Variants in NAALADL2 observed in about 807,000 individuals in gnomAD.
NAALADL2 encodes N-acetylated alpha-linked acidic dipeptidase like 2.
In NAALADL2, 76 loss-of-function variants were observed where a neutral mutation model predicts 87.2. The ratio of observed to expected loss-of-function variants is 0.87; its 90% CI spans 0.72 to 1.05. NAALADL2 has a LOEUF of 1.05. Ranked by LOEUF, NAALADL2 falls within the 50% of genes least tolerant of loss-of-function variation. The probability of loss-of-function intolerance (pLI) is 0.00; values close to 1 mark genes in which losing one functional copy is unlikely to be tolerated. For missense variants in NAALADL2, 1,089 were observed against 945.8 expected (o/e 1.15, Z -1.99); for synonymous variants, 354 against 331.0 (o/e 1.07, Z -0.75).
chr3:175,263,804 C>T (rs1371702673), intron 4 of NAALADL2, among the ~76,000 whole-genome samples: 2 of 151,450 alleles, frequency 1.3e-5, no homozygotes, highest in African/African-American at 2.4e-5. Context: ...CTATACAGTT[C>T]GCCCCCTAAA....
intron 2 of NAALADL2, among the ~76,000 whole-genome samples, chr3:174,712,424 G>T (rs1398379205): frequency 9.6e-6 from 1 of 104,156 alleles, no homozygotes; most frequent in Non-Finnish European, 1.7e-5. Flanking sequence ...GTCTTGCTCT[G>T]TCACCCAGGC....
At chr3:175,371,224 A>T (rs912833628) in intron 5 of NAALADL2, among the ~76,000 whole-genome samples, 14 of 152,218 alleles carry the variant, frequency 9.2e-5, no homozygotes, top group African/African-American at 3.4e-4. Context: ...TGCTGGATTT[A>T]GAATTATGAA....
At chr3:174,623,602 AT>A (rs1157950597) in intron 2 of NAALADL2, among the ~76,000 whole-genome samples, 4 of 151,282 alleles carry the variant, frequency 2.6e-5, no homozygotes, top group Admixed American at 6.6e-5. Context: ...CGTCTGTGAG[AT>A]TTTTTTCCAA....
chr3:175,277,165 G>T (rs1753718864), intron 4 of NAALADL2, among the ~76,000 whole-genome samples: 1 of 152,100 alleles, frequency 6.6e-6, no homozygotes, highest in Admixed American at 6.6e-5. Flanking sequence ...ATTGGCCTTT[G>T]ATTTTCACAT....
At chr3:174,858,214 G>A (rs1378894434), upstream of NAALADL2, among the ~76,000 whole-genome samples, 3 of 148,144 alleles carry the variant, frequency 2.0e-5, no homozygotes, top group Non-Finnish European at 4.5e-5. Flanking sequence ...ATATGAATAT[G>A]AATATATATT....
intron 11 of NAALADL2, among the ~76,000 whole-genome samples, chr3:175,712,571 C>A (rs1472278398): frequency 2.6e-5 from 4 of 152,010 alleles, no homozygotes; most frequent in African/African-American, 9.7e-5. Flanking sequence ...CTCTCTGGCC[C>A]AGCAGGAAGG....
At chr3:174,960,494 A>G (rs903955867) in intron 1 of NAALADL2, among the ~76,000 whole-genome samples, 11 of 152,140 alleles carry the variant, frequency 7.2e-5, no homozygotes, top group African/African-American at 2.6e-4. Flanking sequence ...ATAAGAAGCA[A>G]TTGAGATTTG....
At chr3:174,946,860 T>G (rs1474422680) in intron 1 of NAALADL2, among the ~76,000 whole-genome samples, 2 of 152,222 alleles carry the variant, frequency 1.3e-5, no homozygotes, top group African/African-American at 4.8e-5. Context: ...TCATTTATAT[T>G]GAACATATGA....
intron 5 of NAALADL2, among the ~76,000 whole-genome samples, chr3:175,341,984 A>T (rs1762610044): frequency 6.6e-6 from 1 of 152,054 alleles, no homozygotes; most frequent in Non-Finnish European, 1.5e-5. Context: ...TTAAGCATAG[A>T]TGTATGGGTT....
At chr3:175,138,721 C>T (rs987201628) in intron 2 of NAALADL2, among the ~76,000 whole-genome samples, 2 of 148,982 alleles carry the variant, frequency 1.3e-5, no homozygotes, top group Non-Finnish European at 3.0e-5. Flanking sequence ...ATAGCTGAGA[C>T]TGCAGGCTCA....
intron 2 of NAALADL2, among the ~76,000 whole-genome samples, chr3:174,654,973 G>C (rs764756097): frequency 6.6e-6 from 1 of 152,162 alleles, no homozygotes; most frequent in Non-Finnish European, 1.5e-5. Context: ...CTGACCTCTT[G>C]ATCTGCCCTC....
chr3:175,194,711 G>T (rs1238505653), intron 2 of NAALADL2, among the ~76,000 whole-genome samples: 1 of 151,552 alleles, frequency 6.6e-6, no homozygotes, highest in Non-Finnish European at 1.5e-5. Context: ...TGGCTCAGTT[G>T]GTGTGTATTC....
chr3:174,494,655 A>T (rs959341486), intron 1 of NAALADL2, among the ~76,000 whole-genome samples: 2 of 151,918 alleles, frequency 1.3e-5, no homozygotes, highest in African/African-American at 4.8e-5. Flanking sequence ...TTTTTAGTTC[A>T]GGCAGAAGGT....
Position 175,113,524 on chromosome 3 carries a change from TA to T in NAALADL2, c.545+16234del, listed in dbSNP as rs534910325. 4.6e-5 allele frequency among the ~76,000 whole-genome samples: 7 copies of T among 151,696 alleles called. No homozygotes were observed. The South Asian group carries it at 1.2e-3, about 27-fold the overall frequency. ...TGAAAGGTCCCATATTTTACCGAGC[TA>T]CCCAGCTAACAAGTTAGCTTGCCAT... On this transcript the variant is annotated intron_variant, in intron 2 of 13. Transcript: ENST00000454872.
chr3:175,323,201 A>G (rs1322020112), intron 4 of NAALADL2, among the ~76,000 whole-genome samples: 1 of 150,516 alleles, frequency 6.6e-6, no homozygotes, highest in Non-Finnish European at 1.5e-5. Context: ...ACATGGATGA[A>G]GCTGGAAACC....
At chr3:175,189,206 A>C (rs1391826415) in intron 2 of NAALADL2, among the ~76,000 whole-genome samples, 1 of 152,222 alleles carries the variant, frequency 6.6e-6, no homozygotes, top group African/African-American at 2.4e-5. Context: ...CACCACTTCT[A>C]TTCACCATAG....
chr3:174,546,662 T>G (rs1722765464), intron 1 of NAALADL2, among the ~76,000 whole-genome samples: 1 of 152,136 alleles, frequency 6.6e-6, no homozygotes, highest in South Asian at 2.1e-4. Flanking sequence ...TGTTTTTATT[T>G]TTGTTTTGTT....
intron 2 of NAALADL2, among the ~76,000 whole-genome samples, chr3:174,572,762 G>A (rs927501926): frequency 1.3e-5 from 2 of 152,152 alleles, no homozygotes; most frequent in African/African-American, 4.8e-5. Flanking sequence ...TAGCAATACA[G>A]ACCTAAAGTG....
intron 5 of NAALADL2, among the ~76,000 whole-genome samples, chr3:175,342,458 T>A (rs1045928143): frequency 6.6e-6 from 1 of 152,006 alleles, no homozygotes; most frequent in Non-Finnish European, 1.5e-5. Context: ...ATCCTTGTTG[T>A]TTCAGTGTTA....
Sources: gnomAD v4.1 joint callset for allele counts (sites outside exome capture counted in the v4.1 genomes callset) on GRCh38, gnomAD v4.1.1 for gene constraint, MANE v1.5 for transcripts, NCBI Gene and HGNC (gene_info 2026-07-23, HGNC 2026-07-21) for gene names.